The following RFC3 variants were observed in gnomAD, a reference collection of about 807,000 sequenced individuals.
The protein encoded by RFC3 is replication factor C subunit 3, also known as A1 38 kDa subunit.
RFC3 carries 41 observed loss-of-function variants against 45.1 expected under a neutral mutation model. The ratio of observed to expected loss-of-function variants is 0.91; its 90% CI spans 0.71 to 1.18. The LOEUF (loss-of-function observed/expected upper bound fraction) is 1.18. RFC3 is among the 50% of genes most tolerant of loss of function. The probability of loss-of-function intolerance (pLI) is 0.00; values close to 1 mark genes in which losing one functional copy is unlikely to be tolerated. For missense variants in RFC3, 423 were observed against 428.1 expected, an observed-to-expected ratio of 0.99 and a Z score of 0.10; for synonymous variants, 149 against 144.0, an observed-to-expected ratio of 1.03 and a Z score of -0.25.
intron 8 of RFC3, among the ~76,000 whole-genome samples, chr13:33,851,431 G>T (rs529027631): frequency 6.6e-6 from 1 of 152,090 alleles, no homozygotes; most frequent in African/African-American, 2.4e-5. Context: ...TTTGTATGTC[G>T]TGTATATTAC....
At chr13:33,941,373 T>A (rs189135104) in intron 8 of RFC3, among the ~76,000 whole-genome samples, 6 of 152,276 alleles carry the variant, frequency 3.9e-5, no homozygotes, top group Non-Finnish European at 7.4e-5. Context: ...TTCTTGCATT[T>A]TGTGTTTCTG....
Position 33,966,178 on chromosome 13 carries a change from T to C in RFC3, c.*53T>C. ...ACTGGACTTCTCTCATCTTTTAGCA[T>C]GTGAAGTTTTGCAAATATAATCCAC... is the stretch of plus-strand genomic sequence containing the variant. On this transcript the variant is annotated 3_prime_UTR_variant, in exon 9 of 9. Coordinates refer to the RFC3 transcript ENST00000434425. 7 of 1,397,506 alleles carry C rather than the reference T, an allele frequency of 5.0e-6. No homozygotes were observed. The South Asian group carries it at 8.1e-5, about 16-fold the overall frequency. The allele number at this position is 1,397,506 out of a possible 1,614,324, so 86.6% of individuals were successfully genotyped here.
intron 8 of RFC3, among the ~76,000 whole-genome samples, chr13:33,924,777 A>G (rs1272802196): frequency 1.3e-5 from 2 of 148,444 alleles, no homozygotes; most frequent in Non-Finnish European, 3.0e-5. Flanking sequence ...AAATGGGGAG[A>G]TGTTGTTCAG....
chr13:33,896,362 C>T (rs2082598532), intron 8 of RFC3, among the ~76,000 whole-genome samples: 3 of 151,978 alleles, frequency 2.0e-5, no homozygotes, highest in South Asian at 2.1e-4. Context: ...AGATTATCCC[C>T]AGGGCATATA....
At chr13:33,922,689 C>A (rs1030431922) in intron 8 of RFC3, among the ~76,000 whole-genome samples, 1 of 152,018 alleles carries the variant, frequency 6.6e-6, no homozygotes, top group African/African-American at 2.4e-5. Context: ...GTCAAATAAT[C>A]TTGAATATAT....
At chr13:33,954,776 C>G (rs1164254513) in intron 8 of RFC3, among the ~76,000 whole-genome samples, 5 of 152,204 alleles carry the variant, frequency 3.3e-5, no homozygotes, top group South Asian at 2.1e-4. Flanking sequence ...AATCTCCTCA[C>G]GAGGGCTCCA....
chr13:33,930,521 T>C (rs1372384997), intron 8 of RFC3, among the ~76,000 whole-genome samples: 1 of 152,158 alleles, frequency 6.6e-6, no homozygotes, highest in Non-Finnish European at 1.5e-5. Context: ...GCTGATTAGA[T>C]GGTGCCCACC....
chr13:33,835,955 A>C, intron 8 of RFC3, 149 bp from the exon 9 acceptor site: 2 of 840,226 alleles, frequency 2.4e-6, no homozygotes, highest in Non-Finnish European at 3.5e-6. Context: ...TTGCTTTTGG[A>C]TGAAGGTCGT....
At chr13:33,929,652 C>T (rs1235574912) in intron 8 of RFC3, among the ~76,000 whole-genome samples, 3 of 152,008 alleles carry the variant, frequency 2.0e-5, no homozygotes, top group Non-Finnish European at 4.4e-5. Flanking sequence ...ATAATTTTCT[C>T]TATAAATGAA....
chr13:33,861,492 G>A (rs2082340770), intron 8 of RFC3, among the ~76,000 whole-genome samples: 1 of 152,056 alleles, frequency 6.6e-6, no homozygotes, highest in African/African-American at 2.4e-5. Context: ...GCCAGGCATG[G>A]TGAATTAGCC....
At chr13:33,835,126 C>A in intron 7 of RFC3, 22 bp from the exon 8 acceptor site, 1 of 1,504,912 alleles carries the variant, frequency 6.6e-7, no homozygotes, top group Non-Finnish European at 9.2e-7. Context: ...TCACAAAATA[C>A]CAATTATTTT....
At chr13:33,950,727 T>G (rs576197179) in intron 8 of RFC3, among the ~76,000 whole-genome samples, 6 of 152,180 alleles carry the variant, frequency 3.9e-5, no homozygotes, top group Admixed American at 1.3e-4. Flanking sequence ...ATCTGGACTT[T>G]TTGCTTAACA....
intron 8 of RFC3, among the ~76,000 whole-genome samples, chr13:33,900,309 T>A (rs1207222188): frequency 6.6e-6 from 1 of 151,926 alleles, no homozygotes; most frequent in Non-Finnish European, 1.5e-5. Context: ...CAAATCAGCA[T>A]GGTACTGGCA....
chr13:33,923,483 G>A (rs770467567), intron 8 of RFC3, among the ~76,000 whole-genome samples: 15 of 152,122 alleles, frequency 9.9e-5, no homozygotes, highest in Non-Finnish European at 2.1e-4. Context: ...AAAACTAGTG[G>A]ATTCAGAACA....
intron 8 of RFC3, among the ~76,000 whole-genome samples, chr13:33,913,664 A>G (rs1251213699): frequency 6.6e-6 from 1 of 152,096 alleles, no homozygotes; most frequent in African/African-American, 2.4e-5. Flanking sequence ...AGCTTATTGG[A>G]TTGCTGAAGG....
chr13:33,911,048 G>A (rs1272710477), intron 8 of RFC3, among the ~76,000 whole-genome samples: 3 of 152,016 alleles, frequency 2.0e-5, no homozygotes, highest in Non-Finnish European at 2.9e-5. Context: ...ATTTAGGTGG[G>A]GACACAGAAG....
downstream of RFC3, among the ~76,000 whole-genome samples, chr13:33,970,508 T>C (rs2083105496): frequency 1.3e-5 from 2 of 152,240 alleles, no homozygotes; most frequent in Non-Finnish European, 2.9e-5. Context: ...AGGAACCAAC[T>C]GTGTGATCAT....
chr13:33,844,013 G>A (rs922949002), intron 8 of RFC3, among the ~76,000 whole-genome samples: 2 of 152,120 alleles, frequency 1.3e-5, no homozygotes, highest in African/African-American at 4.8e-5. Context: ...ATCTTGTTGG[G>A]TTTGTTCTAT....
In RFC3 at chr13:33,873,488, A is replaced by C. The variant is rs757259602; in HGVS notation, c.879+38271A>C. Among the ~76,000 whole-genome samples, 53 of 152,322 alleles carry C rather than the reference A, an allele frequency of 3.5e-4. 1 individual carries two copies. Among genetic ancestry groups the C allele is most frequent in the Middle Eastern group, 3.4e-3 (1 of 294 alleles). ...AAATTTCTGTTGGGCAAAGGGACAG[A>C]GAAGACATCCATGGAGTGTCTGAGA... is the stretch of plus-strand genomic sequence containing the variant. On this transcript the variant is annotated intron_variant, in intron 8 of 8. Coordinates refer to the RFC3 transcript ENST00000434425.
Sources: gnomAD v4.1 joint callset for allele counts (sites outside exome capture counted in the v4.1 genomes callset) on GRCh38, gnomAD v4.1.1 for gene constraint, MANE v1.5 for transcripts, NCBI Gene and HGNC (gene_info 2026-07-23, HGNC 2026-07-21) for gene names.